Variants in DZIP1 observed in about 807,000 individuals in gnomAD.
The protein encoded by DZIP1 is DAZ interacting zinc finger protein 1.
In DZIP1, 97 loss-of-function variants were observed where a neutral mutation model predicts 107.6. That is an observed-to-expected ratio of 0.90 (90% confidence interval 0.77 to 1.07). DZIP1 has a LOEUF of 1.07. DZIP1 is among the 50% of genes least tolerant of loss of function. The pLI is 0.00. For missense variants in DZIP1, 1,035 were observed against 1,063.6 expected, an observed-to-expected ratio of 0.97 and a Z score of 0.37; for synonymous variants, 390 against 386.4, an observed-to-expected ratio of 1.01 and a Z score of -0.11.
chr13:95,628,390 A>G (rs1422275472), intron 7 of DZIP1, among the ~76,000 whole-genome samples: 1 of 152,188 alleles, frequency 6.6e-6, no homozygotes, highest in East Asian at 1.9e-4. Flanking sequence ...AAATTCATAG[A>G]CATAAAAAGA....
chr13:95,644,151 G>A (rs1397152581), intron 1 of DZIP1, among the ~76,000 whole-genome samples: 1 of 152,236 alleles, frequency 6.6e-6, no homozygotes, highest in Non-Finnish European at 1.5e-5. Context: ...GCACCGCCGG[G>A]CAGCCGAACC....
intron 3 of DZIP1, 126 bp from the exon 4 acceptor site, chr13:95,642,367 C>A: frequency 3.5e-6 from 1 of 287,742 alleles, no homozygotes; most frequent in Non-Finnish European, 6.4e-6. Flanking sequence ...CTGGACACTC[C>A]ATGTCCCTAA....
At chr13:95,627,193 A>G (rs981687992) in intron 7 of DZIP1, among the ~76,000 whole-genome samples, 3 of 152,280 alleles carry the variant, frequency 2.0e-5, no homozygotes, top group African/African-American at 7.2e-5. Context: ...TTGAGAATCC[A>G]GAGATAAACC....
At chr13:95,640,888 T>C (rs1191620634) in intron 5 of DZIP1, among the ~76,000 whole-genome samples, 1 of 152,210 alleles carries the variant, frequency 6.6e-6, no homozygotes, top group Non-Finnish European at 1.5e-5. Flanking sequence ...GCAACTTTTC[T>C]GTCAGTTTGA....
chr13:95,630,755 T>A (rs1194410463), intron 6 of DZIP1: 2 of 1,285,074 alleles, frequency 1.6e-6, no homozygotes, highest in African/African-American at 3.0e-5. Flanking sequence ...CATGTGTCTG[T>A]GAGTGTAGAC....
At chr13:95,585,123 C>T (rs2044127337) in intron 21 of DZIP1, among the ~76,000 whole-genome samples, 1 of 152,066 alleles carries the variant, frequency 6.6e-6, no homozygotes, top group Non-Finnish European at 1.5e-5. Context: ...TTCGTTTCTG[C>T]CATGGAAATA....
At chr13:95,606,130 G>T in intron 13 of DZIP1, 71 bp from the exon 14 acceptor site, 1 of 1,464,184 alleles carries the variant, frequency 6.8e-7, no homozygotes, top group Non-Finnish European at 9.5e-7. Flanking sequence ...CATGATGGTA[G>T]CCAAATATGC....
Position 95,644,531 on chromosome 13 carries a change from G to C in DZIP1, c.-680C>G, listed in dbSNP as rs1278062263. ...GAGGCAGGCCGGCTCCTTCTTGCAG[G>C]GCGCAGGATGAAACGTGTCTGGTCT... On this transcript the variant is annotated 5_prime_UTR_variant, in exon 1 of 23. Coordinates refer to ENST00000376829, the MANE Select transcript of DZIP1 (RefSeq NM_198968.4). 1.3e-5 allele frequency: 2 copies of C among 152,860 alleles called. No individual in the cohort carries two copies. The highest frequency in any genetic ancestry group is 2.4e-5 in the African/African-American group (1 of 41,464). The allele number at this position is 152,860 out of a possible 1,614,324, so 9.5% of individuals were successfully genotyped here.
At chr13:95,587,471 G>T in intron 20 of DZIP1, 68 bp downstream of exon 20, 1 of 1,557,884 alleles carries the variant, frequency 6.4e-7, no homozygotes, top group Non-Finnish European at 8.7e-7. Flanking sequence ...CCCAGTGCTC[G>T]GTACACACGG....
In DZIP1 at chr13:95,590,439, A is replaced by G. The variant is rs1223682371; in HGVS notation, c.1683T>C (p.Asp561=). The G allele has an allele frequency of 6.3e-7, 1 of 1,599,922 alleles. No individual in the cohort carries two copies. The highest frequency in any genetic ancestry group is 8.5e-7 in the Non-Finnish European group (1 of 1,175,450). ...EKLETLGINA[D]IRGISSDQLH... ...ACTGATCACTTGAAATGCCACGTAT[A>G]TCCTGAAAGAATAAGATGTTAAGTT... The change falls in exon 17 of 23, where the codon GAT becomes GAC. Residue 561 remains aspartate, a splice_region_variant and synonymous_variant. Coordinates refer to ENST00000376829, the MANE Select transcript of DZIP1 (RefSeq NM_198968.4).
At chr13:95,620,875 T>C (rs753920270) in intron 9 of DZIP1, among the ~76,000 whole-genome samples, 1 of 152,186 alleles carries the variant, frequency 6.6e-6, no homozygotes, top group African/African-American at 2.4e-5. Context: ...CGACCAGCTG[T>C]AGTCTACAGC....
Position 95,633,253 on chromosome 13 carries a change from A to C in DZIP1, c.666T>G (p.Thr222=), listed in dbSNP as rs35961322. ...FLQSHIQRRH[T]EENSHFEYQK... ...ACTCACCAAAATGAGAATTTTCTTC[A>C]GTGTGGCGGCGTTGAATGTGACTTT... Residue 222 remains threonine (T), a synonymous_variant, in exon 6 of 23, where the codon ACT becomes ACG. Coordinates refer to ENST00000376829, the MANE Select transcript of DZIP1 (RefSeq NM_198968.4). 2.8e-3 allele frequency: 4,484 copies of C among 1,614,116 alleles called. 83 individuals carry two copies. In the African/African-American group the frequency reaches 0.05, roughly 18 times the overall value.
Position 95,641,385 on chromosome 13 carries a change from C to T in DZIP1, c.507G>A (p.Glu169=), listed in dbSNP as rs1878468446. 2 of 1,614,122 alleles carry T rather than the reference C, an allele frequency of 1.2e-6. No individual in the cohort carries two copies. The highest frequency in any genetic ancestry group is 8.5e-7 in the Non-Finnish European group (1 of 1,179,992). Residue 169 remains glutamate (E), a synonymous_variant, in exon 5 of 23, where the codon GAG becomes GAA. Coordinates refer to ENST00000376829, the MANE Select transcript of DZIP1 (RefSeq NM_198968.4). This position sits in a 1 kb window ranked among gnomAD's most constrained non-coding sequence, Gnocchi z 4.3. ...TGCACTCTTCCTTGAGCGTCTTGAT[C>T]TCCCCCGCCTGCTTGGTGAGCAGCT... ...SKKLLTKQAG[E]IKTLKEECKR... is the part of the protein sequence containing the mutation.
At position 95,582,339 on chromosome 13, in the gene DZIP1, G is replaced by T. The variant is rs142547019; in HGVS notation, c.2525-26C>A. ...CTGTAAGTGGTGGGTAGAGGCAGAA[G>T]AGAAGGCCTCAATGGTTAAACAAGC... On this transcript the variant is annotated intron_variant, in intron 22 of 22. Transcript: ENST00000376829. 6.3e-6 allele frequency: 10 copies of T among 1,585,618 alleles called. No homozygotes were observed. In the East Asian group the frequency reaches 2.0e-4, roughly 32 times the overall value.
chr13:95,640,619 C>T (rs769396953), intron 5 of DZIP1, among the ~76,000 whole-genome samples: 5 of 151,940 alleles, frequency 3.3e-5, no homozygotes, highest in Non-Finnish European at 4.4e-5. Context: ...CAATATTTAT[C>T]TTGGACTCAA....
intron 7 of DZIP1, among the ~76,000 whole-genome samples, chr13:95,626,668 G>T (rs1456124365): frequency 6.6e-6 from 1 of 152,102 alleles, no homozygotes; most frequent in Non-Finnish European, 1.5e-5. Flanking sequence ...AACAAATTCA[G>T]CAAAGTTGCA....
In DZIP1 at chr13:95,641,383, A is replaced by ATC. The variant is rs1210475390; in HGVS notation, c.507_508dup (p.Ile170ArgfsTer15). ...TTTGCACTCTTCCTTGAGCGTCTTGATCTCCCCCGCCTGCTTGGTGAGCAG... is the reference window on the plus strand; with the variant it reads ...TTTGCACTCTTCCTTGAGCGTCTTGATCTCTCCCCCGCCTGCTTGGTGAGCAG... On this transcript the variant is annotated frameshift_variant, in exon 5 of 23. Coordinates refer to ENST00000376829, the MANE Select transcript of DZIP1 (RefSeq NM_198968.4). LOFTEE classifies it high-confidence loss of function. The surrounding 1 kb of genome is among the most constrained non-coding windows in gnomAD (Gnocchi z 4.3). 6.2e-7 allele frequency: 1 copy of ATC among 1,613,938 alleles called. No homozygotes were observed. Among genetic ancestry groups the ATC allele is most frequent in the Admixed American group, 1.7e-5 (1 of 60,006 alleles).
intron 5 of DZIP1, chr13:95,637,181 G>A (rs1340591511): frequency 6.6e-6 from 1 of 152,128 alleles, no homozygotes; most frequent in Non-Finnish European, 1.5e-5. Flanking sequence ...ACAATCCTAT[G>A]AATTAAGAGA....
intron 17 of DZIP1, 50 bp downstream of exon 17, chr13:95,590,229 A>G (rs2044275367): frequency 2.7e-6 from 4 of 1,487,122 alleles, no homozygotes. Flanking sequence ...GAAGAAAAAA[A>G]GAAAAAGTTG....
Sources: allele counts gnomAD v4.1 joint callset (sites outside exome capture counted in the v4.1 genomes callset), GRCh38; gene constraint gnomAD v4.1.1; non-coding constraint Gnocchi (gnomAD v3.1); transcripts MANE v1.5; gene names NCBI Gene and HGNC (gene_info 2026-07-23, HGNC 2026-07-21).